The following DNAH6 variants were observed in gnomAD, a reference collection of about 807,000 sequenced individuals.
DNAH6 encodes axonemal beta dynein heavy chain 6.
A neutral mutation model predicts 491.4 loss-of-function variants in DNAH6; 340 were observed. The observed-to-expected ratio is 0.69, with a 90% CI of 0.63 to 0.76. The LOEUF is 0.76. DNAH6 is among the 30% of genes least tolerant of loss of function. DNAH6 has a pLI of 0.00. For synonymous variants in DNAH6, 1,603 were observed against 1,686.1 expected, an observed-to-expected ratio of 0.95 and a Z score of 1.21; for missense variants, 4,443 against 4,972.2, an observed-to-expected ratio of 0.89 and a Z score of 3.20.
intron 64 of DNAH6, among the ~76,000 whole-genome samples, chr2:84,771,860 A>G (rs1675655080): frequency 6.6e-6 from 1 of 152,248 alleles, no homozygotes; most frequent in African/African-American, 2.4e-5. Context: ...AAAGGACACT[A>G]GACAGTAAAC....
chr2:84,697,801 A>T, intron 47 of DNAH6, 74 bp downstream of exon 47: 1 of 1,501,510 alleles, frequency 6.7e-7, no homozygotes, highest in Non-Finnish European at 9.1e-7. Context: ...CCATTCATTG[A>T]TTGCCTGAAG....
chr2:84,521,879 T>A (rs1286765627), intron 2 of DNAH6, among the ~76,000 whole-genome samples: 1 of 152,204 alleles, frequency 6.6e-6, no homozygotes, highest in East Asian at 1.9e-4. Flanking sequence ...ACTGTAGCCC[T>A]GTAGTATAGT....
In DNAH6 at chr2:84,694,367, A is replaced by G. The variant is rs1354452808; in HGVS notation, c.7411A>G (p.Ile2471Val). The G allele has an allele frequency of 6.4e-7, 1 of 1,552,438 alleles. No individual in the cohort carries two copies. Among genetic ancestry groups the G allele is most frequent in the South Asian group, 1.2e-5 (1 of 84,062 alleles). Residue 2471 changes from isoleucine (I) to valine (V), a missense_variant, in exon 46 of 77, where the codon ATT (isoleucine) becomes GTT (valine). Around this residue, in one of 3 missense-constraint regions of DNAH6, gnomAD observed 2,977 missense variants for 3,296.6 expected, o/e 0.90. Transcript: ENST00000389394. ...TATATGCGGTTACAAATGTTTGCAG[A>G]TTGAACTCAGCCGGGGATATAATTA... is the stretch of plus-strand genomic sequence containing the variant. Reference protein sequence around the residue: ...AHICGYKCLQIELSRGYNYDS... With the variant: ...AHICGYKCLQVELSRGYNYDS...
chr2:84,474,042 T>C, the DNAH6 span, among the ~76,000 whole-genome samples: 1 of 152,196 alleles, frequency 6.6e-6, no homozygotes, highest in Non-Finnish European at 1.5e-5. Context: ...TTATTATTTA[T>C]GGCGGGAACA....
intron 69 of DNAH6, 148 bp downstream of exon 69, chr2:84,796,573 G>C (rs1328125507): frequency 1.8e-6 from 1 of 556,942 alleles, no homozygotes; most frequent in Non-Finnish European, 3.0e-6. Context: ...CACCTTCAGA[G>C]CTGGTTTGAT....
intron 31 of DNAH6, among the ~76,000 whole-genome samples, chr2:84,639,626 G>T (rs1295604653): frequency 6.6e-6 from 1 of 152,022 alleles, no homozygotes; most frequent in African/African-American, 2.4e-5. Flanking sequence ...CACCGTGTTG[G>T]TCAGGCTGAT....
At chr2:84,770,129 A>C (rs1675468793) in intron 64 of DNAH6, among the ~76,000 whole-genome samples, 1 of 152,224 alleles carries the variant, frequency 6.6e-6, no homozygotes, top group African/African-American at 2.4e-5. Context: ...TACTAGCTGA[A>C]CACTAAACTG....
At chr2:84,467,158 A>G in the DNAH6 span, among the ~76,000 whole-genome samples, 1 of 152,230 alleles carries the variant, frequency 6.6e-6, no homozygotes, top group Non-Finnish European at 1.5e-5. Context: ...AATCTCTTTT[A>G]CAATTAATGT....
intron 56 of DNAH6, among the ~76,000 whole-genome samples, chr2:84,710,906 GTC>G (rs1164889390): frequency 6.6e-6 from 1 of 151,782 alleles, no homozygotes; most frequent in African/African-American, 2.4e-5. Context: ...TGTTTGTTGA[GTC>G]TAGGTGCTCC....
upstream of DNAH6, among the ~76,000 whole-genome samples, chr2:84,513,734 ATG>A (rs748303567): frequency 5.9e-5 from 9 of 151,940 alleles, no homozygotes; most frequent in Non-Finnish European, 1.3e-4. Context: ...AGAGTTGATG[ATG>A]CCTTTCTCTT....
chr2:84,656,579 G>A lies in DNAH6; in HGVS notation c.5758-1713G>A, dbSNP rs115081099. 4.4e-3 allele frequency among the ~76,000 whole-genome samples: 666 copies of A among 152,092 alleles called. 4 individuals are homozygous for A. Among genetic ancestry groups the A allele is most frequent in the African/African-American group, 0.015 (633 of 41,538 alleles). On this transcript the variant is annotated intron_variant, in intron 35 of 76. Transcript: ENST00000389394. ...TATGTTTGTTTGCTATCTATGTATC[G>A]TATTTCATGAGGTGCCTATTAAGGA...
chr2:84,722,155 A>G (rs904240336), intron 59 of DNAH6, among the ~76,000 whole-genome samples: 11 of 152,016 alleles, frequency 7.2e-5, no homozygotes, highest in Non-Finnish European at 1.0e-4. Context: ...AATATTAGTC[A>G]CCCTTGTTAT....
At chr2:84,566,311 T>C (rs1306548275) in intron 11 of DNAH6, among the ~76,000 whole-genome samples, 1 of 152,036 alleles carries the variant, frequency 6.6e-6, no homozygotes, top group African/African-American at 2.4e-5. Context: ...TATTCTAGAA[T>C]ATTGAAAATG....
intron 11 of DNAH6, among the ~76,000 whole-genome samples, chr2:84,562,960 A>G (rs960096451): frequency 6.6e-6 from 1 of 152,022 alleles, no homozygotes; most frequent in African/African-American, 2.4e-5. Context: ...ACCTGGTAGG[A>G]GGTAATTGAA....
At chr2:84,495,090 T>G in the DNAH6 span, among the ~76,000 whole-genome samples, 1 of 152,226 alleles carries the variant, frequency 6.6e-6, no homozygotes, top group Admixed American at 6.5e-5. Flanking sequence ...TTAATTCATA[T>G]GATGTGTGGC....
chr2:84,814,011 A>G lies in DNAH6; in HGVS notation c.12039A>G (p.Ile4013Met). 1.3e-6 allele frequency: 2 copies of G among 1,551,764 alleles called. No individual in the cohort carries two copies. Among genetic ancestry groups the G allele is most frequent in the Non-Finnish European group, 1.7e-6 (2 of 1,146,998 alleles). ...ATGCTCGAAAATACAATTTGCCTAT[A>G]GATGAGCTGAGTTTCAAATACAGCG... ...QNHARKYNLP[I>M]DELSFKYSVI... is the part of the protein sequence containing the mutation. Residue 4013 changes from isoleucine (I) to methionine (M), a missense_variant, in exon 75 of 77, where the codon ATA (isoleucine) becomes ATG (methionine). By Grantham distance (10) the Ile-to-Met change is conservative. Coordinates refer to ENST00000389394, the MANE Select transcript of DNAH6 (RefSeq NM_001370.2).
intron 16 of DNAH6, among the ~76,000 whole-genome samples, chr2:84,589,156 C>T (rs193011570): frequency 1.2e-4 from 18 of 152,218 alleles, no homozygotes; most frequent in African/African-American, 3.4e-4. Flanking sequence ...CATGAGATAC[C>T]GAATATCTTT....
chr2:84,770,354 A>T (rs570232655), intron 64 of DNAH6, among the ~76,000 whole-genome samples: 1 of 152,198 alleles, frequency 6.6e-6, no homozygotes, highest in African/African-American at 2.4e-5. Flanking sequence ...TTCAAAAACA[A>T]TAAAAACTGA....
Position 84,624,359 on chromosome 2 carries a change from G to T in DNAH6, c.4166G>T (p.Arg1389Ile). 4 of 1,551,214 alleles carry T rather than the reference G, an allele frequency of 2.6e-6. No homozygotes were observed. Among genetic ancestry groups the T allele is most frequent in the Non-Finnish European group, 2.6e-6 (3 of 1,146,776 alleles). The change falls in exon 27 of 77, where the codon AGA becomes ATA. Residue 1389 changes from arginine to isoleucine, a missense_variant. Around this residue, in one of 3 missense-constraint regions of DNAH6, gnomAD observed 2,977 missense variants for 3,296.6 expected, o/e 0.90. Transcript: ENST00000389394. ...TALITIDVHA[R>I]DIVTELVQSK... ...TTGATTACTATTGATGTGCATGCAA[G>T]AGATATAGTCACTGAACTTGTTCAA...
Sources: gnomAD v4.1 joint callset for allele counts (sites outside exome capture counted in the v4.1 genomes callset) on GRCh38, gnomAD v4.1.1 for gene constraint, gnomAD v4.1.1 regional missense constraint, MANE v1.5 for transcripts, NCBI Gene and HGNC (gene_info 2026-07-23, HGNC 2026-07-21) for gene names.